Variants in NALF1 observed in about 807,000 individuals in gnomAD.
NALF1 encodes NALCN channel auxiliary factor 1, also known as family with sequence similarity 155 member A.
In NALF1, 3 loss-of-function variants were observed where a neutral mutation model predicts 48.4. That is an observed-to-expected ratio of 0.06 (90% CI 0.03 to 0.16). The LOEUF (loss-of-function observed/expected upper bound fraction) is 0.16, where lower values mean the gene tolerates loss of function less well. Among genes scored for constraint, NALF1 ranks in the 10% least tolerant of loss-of-function variants. The pLI, the probability that NALF1 is intolerant of heterozygous loss-of-function variation, is 1.00. For synonymous variants in NALF1, 262 were observed against 245.7 expected (o/e 1.07, Z -0.62); for missense variants, 526 against 571.5 (o/e 0.92, Z 0.81).
rs778699110 is a variant in NALF1 at position 107,866,587 on chromosome 13, C to T, written c.10G>A (p.Gly4Ser). The T allele has an allele frequency of 6.2e-7, 1 of 1,605,450 alleles. No homozygotes were observed. MTRGAWMCRQYDDG... is the reference protein window; with the variant it reads MTRSAWMCRQYDDG... ...TCATACTGCCGACACATCCAAGCAC[C>T]CCTGGTCATATTTTGGGAACGCACA... Residue 4 changes from glycine (G) to serine (S), a missense_variant, in exon 1 of 3, where the codon GGT (glycine) becomes AGT (serine). Gly to Ser is a moderately conservative substitution (Grantham distance 56, BLOSUM62 0). Around this residue, in one of 2 missense-constraint regions of NALF1, gnomAD observed 373 missense variants for 355.5 expected, o/e 1.05. Transcript: ENST00000375915. The surrounding 1 kb of genome is among the most constrained non-coding windows in gnomAD (Gnocchi z 4.4).
At chr13:107,812,946 A>G (rs1879042881) in intron 1 of NALF1, among the ~76,000 whole-genome samples, 1 of 151,934 alleles carries the variant, frequency 6.6e-6, no homozygotes, top group East Asian at 1.9e-4. Flanking sequence ...TGTAGAGAAT[A>G]GGTTTTGCCA....
intron 1 of NALF1, among the ~76,000 whole-genome samples, chr13:107,839,535 T>C (rs1238633066): frequency 6.6e-6 from 1 of 151,694 alleles, no homozygotes; most frequent in African/African-American, 2.4e-5. Context: ...TGCAATCCAC[T>C]GTCTGATATA....
intron 1 of NALF1, among the ~76,000 whole-genome samples, chr13:107,860,905 T>G (rs1459069432): frequency 2.6e-5 from 4 of 152,240 alleles, no homozygotes; most frequent in Admixed American, 2.6e-4. Flanking sequence ...CATGTATATG[T>G]GGACACTAAC....
chr13:107,613,528 A>C (rs765215242), intron 1 of NALF1, among the ~76,000 whole-genome samples: 10 of 152,220 alleles, frequency 6.6e-5, no homozygotes, highest in Non-Finnish European at 1.3e-4. Context: ...TTAAAGTATA[A>C]GTTTTATAAA....
intron 1 of NALF1, among the ~76,000 whole-genome samples, chr13:107,303,897 T>G (rs1881885992): frequency 1.3e-5 from 2 of 152,216 alleles, no homozygotes; most frequent in Admixed American, 6.5e-5. Context: ...TCTGAAAGTA[T>G]TTCCTTAATT....
chr13:107,656,457 G>A (rs1341888649), intron 1 of NALF1, among the ~76,000 whole-genome samples: 2 of 151,984 alleles, frequency 1.3e-5, no homozygotes, highest in African/African-American at 2.4e-5. Context: ...ACCACAATGC[G>A]ATACCACCTC....
chr13:107,794,992 GAAA>G (rs1021551908), intron 1 of NALF1, among the ~76,000 whole-genome samples: 6 of 151,670 alleles, frequency 4.0e-5, no homozygotes, highest in African/African-American at 1.5e-4. Flanking sequence ...AGGACAAAAA[GAAA>G]AAAATATTTA....
chr13:107,640,577 C>A (rs1213353287), intron 1 of NALF1, among the ~76,000 whole-genome samples: 2 of 151,974 alleles, frequency 1.3e-5, no homozygotes, highest in African/African-American at 4.8e-5. Context: ...ATCTATAGAC[C>A]AAGTGTTCTT....
At chr13:107,171,261 A>C (rs1472463995) in intron 2 of NALF1, among the ~76,000 whole-genome samples, 1 of 152,210 alleles carries the variant, frequency 6.6e-6, no homozygotes, top group Non-Finnish European at 1.5e-5. Flanking sequence ...AGCCTCATCA[A>C]GTCTTCTCTC....
chr13:107,607,104 C>A (rs1879095158), intron 1 of NALF1, among the ~76,000 whole-genome samples: 1 of 152,168 alleles, frequency 6.6e-6, no homozygotes, highest in Admixed American at 6.5e-5. Flanking sequence ...TGCACTCAAT[C>A]TAACAGATTT....
intron 1 of NALF1, among the ~76,000 whole-genome samples, chr13:107,300,340 C>T (rs1040703156): frequency 6.6e-6 from 1 of 152,150 alleles, no homozygotes; most frequent in Non-Finnish European, 1.5e-5. Context: ...AGGATAAACA[C>T]ACGATATGAA....
chr13:107,498,923 G>A (rs1875426310), intron 1 of NALF1, among the ~76,000 whole-genome samples: 2 of 152,148 alleles, frequency 1.3e-5, no homozygotes, highest in Non-Finnish European at 2.9e-5. Flanking sequence ...TATGTAGGAA[G>A]AGTAGTAGAT....
intron 1 of NALF1, among the ~76,000 whole-genome samples, chr13:107,659,143 A>ACACACACACACACG: frequency 6.6e-6 from 1 of 151,686 alleles, no homozygotes; most frequent in East Asian, 1.9e-4. Flanking sequence ...ACACACACAC[A>ACACACACACACACG]CGCACTCAAA....
At chr13:107,351,000 C>T (rs559028646) in intron 1 of NALF1, among the ~76,000 whole-genome samples, 2 of 152,276 alleles carry the variant, frequency 1.3e-5, no homozygotes, top group East Asian at 3.9e-4. Context: ...TTAAGTGATC[C>T]CATGCTAAAA....
At chr13:107,709,569 T>C (rs563910578) in intron 1 of NALF1, among the ~76,000 whole-genome samples, 247 of 152,376 alleles carry the variant, frequency 1.6e-3, no homozygotes, top group Non-Finnish European at 3.0e-3. Flanking sequence ...ACCATATCAA[T>C]GTAGCTGCTG....
intron 1 of NALF1, among the ~76,000 whole-genome samples, chr13:107,444,996 C>T (rs1032468964): frequency 2.6e-5 from 4 of 152,126 alleles, no homozygotes; most frequent in African/African-American, 7.2e-5. Flanking sequence ...TTCCATGAGA[C>T]GTTCTTTCAG....
At chr13:107,792,320 T>G (rs1250409724) in intron 1 of NALF1, among the ~76,000 whole-genome samples, 1 of 152,150 alleles carries the variant, frequency 6.6e-6, no homozygotes, top group Non-Finnish European at 1.5e-5. Context: ...TTAGTAAAAT[T>G]ATAATAGATT....
At chr13:107,352,222 GA>G (rs1882890132) in intron 1 of NALF1, among the ~76,000 whole-genome samples, 2 of 152,128 alleles carry the variant, frequency 1.3e-5, no homozygotes, top group Admixed American at 1.3e-4. Context: ...TCATGGGAAG[GA>G]AAGTCTAATG....
Position 107,715,071 on chromosome 13 carries a change from C to T in NALF1, c.915+150611G>A, listed in dbSNP as rs531005498. 4.6e-5 allele frequency among the ~76,000 whole-genome samples: 7 copies of T among 152,018 alleles called. No homozygotes were observed. In the South Asian group the frequency reaches 1.0e-3, roughly 23 times the overall value. Reference sequence around the variant, plus strand: ...GGATGAATGTGATGTTTTGATACAGCCATATCATGTGTAGTAATCACATCA... The same window carrying T: ...GGATGAATGTGATGTTTTGATACAGTCATATCATGTGTAGTAATCACATCA... On this transcript the variant is annotated intron_variant, in intron 1 of 2. Coordinates refer to ENST00000375915, the MANE Select transcript of NALF1 (RefSeq NM_001080396.3).
Sources: allele counts gnomAD v4.1 joint callset (sites outside exome capture counted in the v4.1 genomes callset), GRCh38; gene constraint gnomAD v4.1.1; regional missense constraint gnomAD v4.1.1; non-coding constraint Gnocchi (gnomAD v3.1); transcripts MANE v1.5; gene names NCBI Gene and HGNC (gene_info 2026-07-23, HGNC 2026-07-21).